The following CNFN variants were observed in gnomAD, a reference collection of about 807,000 sequenced individuals.
CNFN encodes cornefied envelope protein cornefilin.
CNFN carries 10 observed loss-of-function variants against 14.9 expected under a neutral mutation model. The observed-to-expected ratio is 0.67, with a 90% CI of 0.41 to 1.14. The LOEUF is 1.14. Ranked by LOEUF, CNFN falls within the 50% of genes most tolerant of loss-of-function variation. The pLI, the probability that CNFN is intolerant of heterozygous loss-of-function variation, is 0.00. For synonymous variants in CNFN, 66 were observed against 60.0 expected (o/e 1.10, Z -0.46); for missense variants, 165 against 152.8 (o/e 1.08, Z -0.42).
At chr19:42,388,003 A>C (rs1054306287) in intron 2 of CNFN, among the ~76,000 whole-genome samples, 4 of 149,948 alleles carry the variant, frequency 2.7e-5, no homozygotes, top group African/African-American at 9.8e-5. Flanking sequence ...AACAAAACAA[A>C]AAAAAAAACG....
At chr19:42,389,466 G>T (rs747883339) in intron 1 of CNFN, 1 of 1,291,944 alleles carries the variant, frequency 7.7e-7, no homozygotes, top group Non-Finnish European at 1.0e-6. Flanking sequence ...TGAGAGGGTT[G>T]CTGGTCCACC....
Position 42,387,449 on chromosome 19 carries a change from C to A in CNFN, c.140G>T (p.Cys47Phe), listed in dbSNP as rs775289453. 26 of 1,593,920 alleles carry A rather than the reference C, an allele frequency of 1.6e-5. No individual in the cohort carries two copies. The highest frequency in any genetic ancestry group is 2.0e-5 in the Non-Finnish European group (23 of 1,172,158). ...VCLCGTFAPLCLACRISDDFG... is the reference protein window; with the variant it reads ...VCLCGTFAPLFLACRISDDFG... The stretch of plus-strand genomic sequence containing the variant: ...GTCGTCGGAGATGCGGCAGGCAAGG[C>A]ACAGAGGAGCAAAAGTGCCGCACAG... Residue 47 changes from cysteine (C) to phenylalanine (F), a missense_variant, in exon 3 of 4, where the codon TGC (cysteine) becomes TTC (phenylalanine). By Grantham distance (205) the Cys-to-Phe change is radical. Coordinates refer to ENST00000222032, the MANE Select transcript of CNFN (RefSeq NM_032488.4).
chr19:42,389,455 C>G (rs758488094), intron 1 of CNFN: 135 of 1,292,068 alleles, frequency 1.0e-4, no homozygotes, highest in Non-Finnish European at 1.3e-4. Flanking sequence ...GGTTCCAGTA[C>G]TGAGAGGGTT....
intron 1 of CNFN, chr19:42,389,423 G>C: frequency 8.1e-7 from 1 of 1,240,486 alleles, no homozygotes; most frequent in Admixed American, 2.3e-5. Flanking sequence ...AAGCAAGGGT[G>C]CCCAGGGGAG....
Position 42,387,371 on chromosome 19 carries a change from C to A in CNFN, c.218G>T (p.Arg73Leu), listed in dbSNP as rs1360552591. The change falls in exon 3 of 4, where the codon CGC (arginine) becomes CTC (leucine). Residue 73 changes from arginine to leucine, a missense_variant. Arg to Leu is a moderately radical substitution (Grantham distance 102). Transcript: ENST00000222032. ...GTGGTAGCGCTCCCGCATGCCGGTG[C>A]GGATGGAGTGCAGGCCTCCGGGCAG... ...PYLPGGLHSI[R>L]TGMRERYHIQ... 4.4e-6 allele frequency: 7 copies of A among 1,599,158 alleles called. No individual in the cohort carries two copies. Among genetic ancestry groups the A allele is most frequent in the East Asian group, 2.3e-5 (1 of 44,030 alleles).
intron 2 of CNFN, among the ~76,000 whole-genome samples, chr19:42,387,992 A>C (rs1344104514): frequency 6.7e-6 from 1 of 149,164 alleles, no homozygotes; most frequent in Non-Finnish European, 1.5e-5. Flanking sequence ...AAAAAACAAA[A>C]AACAAAACAA....
chr19:42,387,231 C>T lies in CNFN; in HGVS notation c.261G>A (p.Gly87=). The T allele has an allele frequency of 1.2e-6, 2 of 1,614,000 alleles. No homozygotes were observed. The highest frequency in any genetic ancestry group is 1.7e-6 in the Non-Finnish European group (2 of 1,179,932). Residue 87 remains glycine, a synonymous_variant, in exon 4 of 4, where the codon GGG becomes GGA. Coordinates refer to ENST00000222032, the MANE Select transcript of CNFN (RefSeq NM_032488.4). ...AAAAGGTGAGGGCCGCCCAGTCGTGCCCGACGGAGCCCTAGAGGGTAGGAG... is the reference window on the plus strand; with the variant it reads ...AAAAGGTGAGGGCCGCCCAGTCGTGTCCGACGGAGCCCTAGAGGGTAGGAG... ...RERYHIQGSV[G]HDWAALTFCL... is the part of the protein sequence containing the mutation.
chr19:42,389,742 C>T (rs1332834377), intron 1 of CNFN, among the ~76,000 whole-genome samples: 4 of 151,858 alleles, frequency 2.6e-5, no homozygotes, highest in East Asian at 1.9e-4. Flanking sequence ...AGGGCGGGGG[C>T]GAGAAACTCG....
chr19:42,389,354 G>GT (rs1194733602), intron 1 of CNFN: 10 of 759,218 alleles, frequency 1.3e-5, no homozygotes, highest in Non-Finnish European at 1.8e-5. Flanking sequence ...CTGGGCCTGG[G>GT]TTCTGGGTTG....
intron 2 of CNFN, among the ~76,000 whole-genome samples, chr19:42,387,681 T>A (rs1034473611): frequency 2.7e-5 from 4 of 149,348 alleles, no homozygotes; most frequent in African/African-American, 9.8e-5. Flanking sequence ...CTTCTTTTTT[T>A]TTTTTTTTAG....
Position 42,387,373 on chromosome 19 carries a change from G to A in CNFN, c.216C>T (p.Ile72=). The change falls in exon 3 of 4, where the codon ATC becomes ATT. Residue 72 remains isoleucine (I), a synonymous_variant. Transcript: ENST00000222032. ...APYLPGGLHS[I]RTGMRERYHI... ...GGTAGCGCTCCCGCATGCCGGTGCG[G>A]ATGGAGTGCAGGCCTCCGGGCAGGT... 6.3e-7 allele frequency: 1 copy of A among 1,599,904 alleles called. No homozygotes were observed. The highest frequency in any genetic ancestry group is 8.5e-7 in the Non-Finnish European group (1 of 1,174,570).
chr19:42,387,061 G>T lies in CNFN; in HGVS notation c.*92C>A. The T allele has an allele frequency of 4.0e-6, 5 of 1,256,422 alleles. No individual in the cohort carries two copies. Among genetic ancestry groups the T allele is most frequent in the Non-Finnish European group, 5.8e-6 (5 of 859,220 alleles). The allele number at this position is 1,256,422 out of a possible 1,614,324, so 77.8% of individuals were successfully genotyped here. On this transcript the variant is annotated 3_prime_UTR_variant, in exon 4 of 4. Transcript: ENST00000222032. ...ATTGTGGGTGTATTTCTGGCAGCGGGACAGGGGTGGTGAGGCAGTCCCTCC... is the reference window on the plus strand; with the variant it reads ...ATTGTGGGTGTATTTCTGGCAGCGGTACAGGGGTGGTGAGGCAGTCCCTCC...
At chr19:42,389,659 G>T in intron 1 of CNFN, 1 of 477,754 alleles carries the variant, frequency 2.1e-6, no homozygotes, top group Non-Finnish European at 3.6e-6. Flanking sequence ...TGGGCTCTCA[G>T]GGGGAGGGGA....
Position 42,387,479 on chromosome 19 carries a change from G to C in CNFN, c.113-3C>G, listed in dbSNP as rs1199802387. The C allele has an allele frequency of 8.9e-6, 14 of 1,567,634 alleles. No individual in the cohort carries two copies. The highest frequency in any genetic ancestry group is 1.2e-5 in the Non-Finnish European group (14 of 1,158,988). Reference sequence around the variant, plus strand: ...AGGAGCAAAAGTGCCGCACAGACCTGGGCGGGGCGCAGGCGCTCAGGGGCG... The same window carrying C: ...AGGAGCAAAAGTGCCGCACAGACCTCGGCGGGGCGCAGGCGCTCAGGGGCG... On this transcript the variant is annotated splice_polypyrimidine_tract_variant and splice_region_variant and intron_variant, in intron 2 of 3. Transcript: ENST00000222032.
intron 2 of CNFN, among the ~76,000 whole-genome samples, chr19:42,388,216 C>T (rs996025317): frequency 2.0e-5 from 3 of 151,624 alleles, no homozygotes; most frequent in African/African-American, 7.3e-5. Flanking sequence ...ATTTTTGAGA[C>T]GGAATCTCGC....
In CNFN at chr19:42,387,415, C is replaced by T; in HGVS notation, c.174G>A (p.Glu58=). 6.2e-7 allele frequency: 1 copy of T among 1,602,428 alleles called. No individual in the cohort carries two copies. The highest frequency in any genetic ancestry group is 8.5e-7 in the Non-Finnish European group (1 of 1,175,962). ...CGGGCAGGTAGGGCGCGCAGCAGCA[C>T]TCGCCAAAGTCGTCGGAGATGCGGC... ...LACRISDDFG[E]CCCAPYLPGG... is the part of the protein sequence containing the mutation. Residue 58 remains glutamate, a synonymous_variant, in exon 3 of 4, where the codon GAG becomes GAA. Transcript: ENST00000222032.
chr19:42,388,869 G>T, intron 2 of CNFN, 57 bp downstream of exon 2: 1 of 1,325,650 alleles, frequency 7.5e-7, no homozygotes. Flanking sequence ...TCCCTCTCCT[G>T]ATTCCCCCCA....
At chr19:42,389,616 G>T in intron 1 of CNFN, 3 of 1,008,190 alleles carry the variant, frequency 3.0e-6, no homozygotes, top group Non-Finnish European at 4.1e-6. Context: ...GGATACTGGG[G>T]AGGTGGGGGC....
chr19:42,388,783 G>T, intron 2 of CNFN, 143 bp downstream of exon 2: 1 of 620,350 alleles, frequency 1.6e-6, no homozygotes, highest in Non-Finnish European at 2.9e-6. Context: ...GTGACTGTTA[G>T]AGTGGGAATT....
Sources: gnomAD v4.1 joint callset for allele counts (sites outside exome capture counted in the v4.1 genomes callset) on GRCh38, gnomAD v4.1.1 for gene constraint, MANE v1.5 for transcripts, NCBI Gene and HGNC (gene_info 2026-07-23, HGNC 2026-07-21) for gene names.